Variants in PRUNE2 observed in about 807,000 individuals in gnomAD.
PRUNE2 encodes protein prune homolog 2.
In PRUNE2, 164 loss-of-function variants were observed where a neutral mutation model predicts 252.0. The observed-to-expected ratio is 0.65, with a 90% confidence interval of 0.57 to 0.74. The LOEUF (loss-of-function observed/expected upper bound fraction) is 0.74, where lower values mean the gene tolerates loss of function less well. Among genes scored for constraint, PRUNE2 ranks in the 30% least tolerant of loss-of-function variants. PRUNE2 has a pLI of 0.00. For missense variants in PRUNE2, 3,495 were observed against 3,711.0 expected, an observed-to-expected ratio of 0.94 and a Z score of 1.51; for synonymous variants, 1,292 against 1,350.2, an observed-to-expected ratio of 0.96 and a Z score of 0.94.
intron 6 of PRUNE2, among the ~76,000 whole-genome samples, chr9:76,803,904 T>C (rs1387431660): frequency 6.6e-6 from 1 of 152,212 alleles, no homozygotes; most frequent in Non-Finnish European, 1.5e-5. Flanking sequence ...AGAGCTCCTA[T>C]CTTCCGTCTC....
intron 9 of PRUNE2, among the ~76,000 whole-genome samples, chr9:76,690,219 C>T (rs999935558): frequency 6.6e-6 from 1 of 152,208 alleles, no homozygotes; most frequent in African/African-American, 2.4e-5. Context: ...CTTCTTCCTT[C>T]CCCCAACTAC....
At chr9:76,891,907 T>C (rs537711480) in intron 1 of PRUNE2, among the ~76,000 whole-genome samples, 1 of 152,146 alleles carries the variant, frequency 6.6e-6, no homozygotes, top group African/African-American at 2.4e-5. Context: ...TCCTCAAGGT[T>C]AATCAAATGA....
At chr9:76,629,350 G>T (rs1036375264) in intron 15 of PRUNE2, 60 bp from the exon 16 acceptor site, 56 of 870,998 alleles carry the variant, frequency 6.4e-5, no homozygotes, top group African/African-American at 8.6e-5. Context: ...CCATTCTAAG[G>T]CTATTGCCTT....
chr9:76,900,725 A>T (rs2063119671), intron 1 of PRUNE2, among the ~76,000 whole-genome samples: 1 of 152,054 alleles, frequency 6.6e-6, no homozygotes, highest in Non-Finnish European at 1.5e-5. Flanking sequence ...GTCCCCTGAT[A>T]TTGTTTCCTC....
Position 76,709,507 on chromosome 9 carries a change from C to T in PRUNE2, c.2767G>A (p.Glu923Lys). ...YEKVDSWNLF[E>K]ENMKKGGSDV... ...GACCCTCCTTTCTTCATATTCTCCT[C>T]AAAAAGGTTCCAGGAATCTACCTTT... Residue 923 changes from glutamate (E) to lysine (K), a missense_variant, in exon 8 of 19, where the codon GAG becomes AAG. Coordinates refer to ENST00000376718, the MANE Select transcript of PRUNE2 (RefSeq NM_015225.3). The T allele has an allele frequency of 6.2e-7, 1 of 1,613,918 alleles. No individual in the cohort carries two copies. The highest frequency in any genetic ancestry group is 8.5e-7 in the Non-Finnish European group (1 of 1,179,838).
At chr9:76,622,343 C>T (rs1458682414) in intron 17 of PRUNE2, among the ~76,000 whole-genome samples, 2 of 151,784 alleles carry the variant, frequency 1.3e-5, no homozygotes, top group Admixed American at 6.6e-5. Context: ...TACAAAACTA[C>T]CCAAAAACAA....
In PRUNE2 at chr9:76,655,454, C is replaced by A; in HGVS notation, c.8325G>T (p.Val2775=). ...TCATGTCTGCAGCACTGGGACTCAGCACGCCCTCTTCAAAGGGGATGTCCA... is the reference window on the plus strand; with the variant it reads ...TCATGTCTGCAGCACTGGGACTCAGAACGCCCTCTTCAAAGGGGATGTCCA... ...VGMDIPFEEG[V]LSPSAADMRP... is the part of the protein sequence containing the mutation. The change falls in exon 10 of 19, where the codon GTG becomes GTT. Residue 2775 remains valine, a synonymous_variant. Coordinates refer to ENST00000376718, the MANE Select transcript of PRUNE2 (RefSeq NM_015225.3). The A allele has an allele frequency of 6.2e-7, 1 of 1,612,792 alleles. No individual in the cohort carries two copies. The highest frequency in any genetic ancestry group is 8.5e-7 in the Non-Finnish European group (1 of 1,179,468).
intron 1 of PRUNE2, among the ~76,000 whole-genome samples, chr9:76,884,402 C>A (rs1327149712): frequency 6.6e-6 from 1 of 152,196 alleles, no homozygotes; most frequent in African/African-American, 2.4e-5. Context: ...TTAATCTTCA[C>A]AACAAACTTC....
chr9:76,798,570 G>A (rs983209633), intron 6 of PRUNE2, among the ~76,000 whole-genome samples: 22 of 152,114 alleles, frequency 1.4e-4, no homozygotes, highest in African/African-American at 5.3e-4. Flanking sequence ...TGGCTACTGT[G>A]TATAGTGCTG....
intron 6 of PRUNE2, among the ~76,000 whole-genome samples, chr9:76,744,713 C>T (rs919924068): frequency 2.0e-5 from 3 of 152,130 alleles, no homozygotes; most frequent in Non-Finnish European, 4.4e-5. Flanking sequence ...ACTCTGAGCC[C>T]CTGTTTGTTT....
intron 6 of PRUNE2, among the ~76,000 whole-genome samples, chr9:76,809,895 C>G (rs185368285): frequency 2.0e-5 from 3 of 152,144 alleles, no homozygotes; most frequent in Non-Finnish European, 4.4e-5. Flanking sequence ...TCCTTGTCAA[C>G]CCTGGTGTCC....
At chr9:76,647,551 T>C (rs1247916884) in intron 11 of PRUNE2, among the ~76,000 whole-genome samples, 1 of 152,030 alleles carries the variant, frequency 6.6e-6, no homozygotes, top group African/African-American at 2.4e-5. Flanking sequence ...AAAACTACTA[T>C]ATAAAAGACA....
chr9:76,744,546 C>T (rs535280813), intron 6 of PRUNE2, among the ~76,000 whole-genome samples: 14 of 152,204 alleles, frequency 9.2e-5, no homozygotes, highest in Non-Finnish European at 1.8e-4. Flanking sequence ...AACCCACACA[C>T]CCTTCCTACT....
intron 6 of PRUNE2, among the ~76,000 whole-genome samples, chr9:76,803,502 C>T (rs2056709460): frequency 6.6e-6 from 1 of 152,108 alleles, no homozygotes; most frequent in Middle Eastern, 3.2e-3. Context: ...TCTAGAAACT[C>T]TTAGTTAACA....
intron 4 of PRUNE2, among the ~76,000 whole-genome samples, chr9:76,830,596 G>A (rs2058611928): frequency 6.6e-6 from 1 of 151,026 alleles, no homozygotes; most frequent in Admixed American, 6.6e-5. Flanking sequence ...AAGTTGCAGT[G>A]AGCTGAGATC....
At chr9:76,649,484 G>C (rs1189930705) in intron 11 of PRUNE2, among the ~76,000 whole-genome samples, 1 of 152,120 alleles carries the variant, frequency 6.6e-6, no homozygotes, top group Non-Finnish European at 1.5e-5. Context: ...TACTCAGGAG[G>C]CTAAGGTAGG....
intron 4 of PRUNE2, among the ~76,000 whole-genome samples, chr9:76,838,645 C>CAAAAA (rs10540002): frequency 4.5e-3 from 382 of 84,348 alleles, no homozygotes; most frequent in Non-Finnish European, 7.5e-3. Flanking sequence ...AACTCTGTCT[C>CAAAAA]AAAAAAAAAA....
intron 4 of PRUNE2, among the ~76,000 whole-genome samples, chr9:76,841,124 G>T (rs1433552274): frequency 6.6e-6 from 1 of 152,144 alleles, no homozygotes; most frequent in African/African-American, 2.4e-5. Flanking sequence ...ATCTCATTGG[G>T]ACTGGTTAGA....
chr9:76,757,332 C>T (rs142062562), intron 6 of PRUNE2, among the ~76,000 whole-genome samples: 59 of 152,336 alleles, frequency 3.9e-4, no homozygotes, highest in African/African-American at 1.1e-3. Context: ...TTTAGATGTA[C>T]TAACTACTGC....
Sources: gnomAD v4.1 joint callset for allele counts (sites outside exome capture counted in the v4.1 genomes callset) on GRCh38, gnomAD v4.1.1 for gene constraint, MANE v1.5 for transcripts, NCBI Gene and HGNC (gene_info 2026-07-23, HGNC 2026-07-21) for gene names.